BTRC: variants seen among roughly 807,000 people sequenced by gnomAD.
BTRC encodes the protein F-box/WD repeat-containing protein 1A.
A neutral mutation model predicts 85.5 loss-of-function variants in BTRC; 42 were observed. The observed-to-expected ratio is 0.49, with a 90% CI of 0.38 to 0.64. The LOEUF is 0.64. BTRC is among the 30% of genes least tolerant of loss of function. The pLI, the probability that BTRC is intolerant of heterozygous loss-of-function variation, is 0.00. For synonymous variants in BTRC, 255 were observed against 263.3 expected (o/e 0.97, Z 0.30); for missense variants, 594 against 743.5 (o/e 0.80, Z 2.34).
intron 2 of BTRC, among the ~76,000 whole-genome samples, chr10:101,449,626 A>G (rs544624915): frequency 1.3e-5 from 2 of 152,272 alleles, no homozygotes; most frequent in Admixed American, 6.5e-5. Flanking sequence ...AAAGATTCCT[A>G]TAGATTTAAA....
chr10:101,425,800 ACT>A (rs548742232), intron 1 of BTRC, among the ~76,000 whole-genome samples: 108 of 151,918 alleles, frequency 7.1e-4, no homozygotes, highest in African/African-American at 2.5e-3. Context: ...AGAGAGTGAG[ACT>A]CTGTCTCAAT....
At chr10:101,404,084 T>C (rs1365977359) in intron 1 of BTRC, among the ~76,000 whole-genome samples, 2 of 130,752 alleles carry the variant, frequency 1.5e-5, no homozygotes, top group Admixed American at 8.8e-5. Flanking sequence ...CAGGCTGGAG[T>C]GCAGTGGCGC....
At chr10:101,509,104 ATTCTAGCTCTT>A (rs1330593220) in intron 4 of BTRC, among the ~76,000 whole-genome samples, 1 of 151,846 alleles carries the variant, frequency 6.6e-6, no homozygotes, top group Non-Finnish European at 1.5e-5. Context: ...TTTCTTTTCC[ATTCTAGCTCTT>A]TAGAAATCTA....
chr10:101,532,108 T>TA (rs2062292506), intron 7 of BTRC, among the ~76,000 whole-genome samples, 187 bp from the exon 8 acceptor site: 1 of 152,206 alleles, frequency 6.6e-6, no homozygotes, highest in Non-Finnish European at 1.5e-5. Flanking sequence ...AACCTTTAAT[T>TA]ACCTTGCAAA....
chr10:101,470,892 T>G (rs1945507306), intron 3 of BTRC, among the ~76,000 whole-genome samples: 1 of 152,208 alleles, frequency 6.6e-6, no homozygotes, highest in Non-Finnish European at 1.5e-5. Context: ...TTGAATTACA[T>G]GAATTCATTT....
intron 2 of BTRC, among the ~76,000 whole-genome samples, chr10:101,443,332 G>A (rs1019446686): frequency 1.3e-5 from 2 of 152,180 alleles, no homozygotes; most frequent in African/African-American, 4.8e-5. Context: ...ACATGCAAAT[G>A]TAGTCCTGCG....
At chr10:101,371,174 T>TG (rs1381277849) in intron 1 of BTRC, among the ~76,000 whole-genome samples, 1 of 142,066 alleles carries the variant, frequency 7.0e-6, no homozygotes, top group African/African-American at 2.5e-5. Flanking sequence ...CTTTTTTTTT[T>TG]GTTTGTTTGG....
chr10:101,385,963 C>G (rs1943068384), intron 1 of BTRC, among the ~76,000 whole-genome samples: 1 of 151,862 alleles, frequency 6.6e-6, no homozygotes, highest in Non-Finnish European at 1.5e-5. Context: ...CATAAAGTGC[C>G]ATTTTGAGAA....
chr10:101,473,978 G>A (rs1354331262), intron 3 of BTRC, among the ~76,000 whole-genome samples: 1 of 152,046 alleles, frequency 6.6e-6, no homozygotes. Context: ...TTTTCTGGTA[G>A]AATTTTTCAT....
chr10:101,473,475 T>TTG (rs901170602), intron 3 of BTRC, among the ~76,000 whole-genome samples: 1 of 144,326 alleles, frequency 6.9e-6, no homozygotes, highest in African/African-American at 2.6e-5. Context: ...CTTTTTTTTT[T>TTG]TTTTTTTTTT....
At chr10:101,433,495 G>C (rs953047362) in intron 2 of BTRC, among the ~76,000 whole-genome samples, 1 of 152,126 alleles carries the variant, frequency 6.6e-6, no homozygotes, top group African/African-American at 2.4e-5. Flanking sequence ...AGGAGAAGGA[G>C]GACATTTCAG....
chr10:101,367,569 C>A (rs1031008758), intron 1 of BTRC, among the ~76,000 whole-genome samples: 1 of 152,138 alleles, frequency 6.6e-6, no homozygotes, highest in South Asian at 2.1e-4. Context: ...ACTTTGCCAG[C>A]ACTCCACAAG....
rs1174185524 is a variant in BTRC at position 101,366,898 on chromosome 10, TTA to T, written c.48+12678_48+12679del. The stretch of plus-strand genomic sequence containing the variant: ...TATATTTATATATATTTATATATAT[TTA>T]TATATATTAATATATATTTATATAT... On this transcript the variant is annotated intron_variant, in intron 1 of 14. Coordinates refer to ENST00000370187, the MANE Select transcript of BTRC (RefSeq NM_033637.4). Among the ~76,000 whole-genome samples the T allele has an allele frequency of 3.5e-3, 122 of 35,132 alleles. 10 individuals are homozygous for T. The highest frequency in any genetic ancestry group is 9.5e-3 in the African/African-American group (106 of 11,168). The allele number at this position is 35,132 out of a possible 152,430, so 23.0% of individuals were successfully genotyped here. A position where few individuals can be genotyped will look rare whatever the true frequency, so the allele number is the denominator to read the frequency against.
chr10:101,531,372 C>T (rs2062278769), intron 7 of BTRC, 39 bp downstream of exon 7: 2 of 1,406,106 alleles, frequency 1.4e-6, no homozygotes, highest in Non-Finnish European at 2.0e-6. Flanking sequence ...CCCAAGGGCA[C>T]AGAATTATCA....
At chr10:101,385,976 T>C (rs1943068920) in intron 1 of BTRC, among the ~76,000 whole-genome samples, 1 of 152,168 alleles carries the variant, frequency 6.6e-6, no homozygotes, top group African/African-American at 2.4e-5. Context: ...TTTGAGAAGC[T>C]AATGAAATGT....
At position 101,556,076 on chromosome 10, in the gene BTRC, T is replaced by G. The variant is rs1233478127; in HGVS notation, c.*2953T>G. On this transcript the variant is annotated 3_prime_UTR_variant, in exon 15 of 15. Transcript: ENST00000370187. ...AAATTCTTTCTGGTGTCTCCTAACT[T>G]CAGAGACAGGGACTCTTTTTGGATC... 6.6e-6 allele frequency: 1 copy of G among 152,242 alleles called. No individual in the cohort carries two copies. The highest frequency in any genetic ancestry group is 1.5e-5 in the Non-Finnish European group (1 of 68,048). 9.4% of individuals were successfully genotyped at this position (152,242 alleles called of 1,614,324 possible). A position where few individuals can be genotyped will look rare whatever the true frequency, so the allele number is the denominator to read the frequency against.
intron 1 of BTRC, among the ~76,000 whole-genome samples, chr10:101,361,067 A>G (rs1046880072): frequency 3.3e-5 from 5 of 151,990 alleles, no homozygotes; most frequent in Non-Finnish European, 5.9e-5. Context: ...CAGCCTTCCA[A>G]ATTGCTGGGA....
chr10:101,366,862 A>C (rs1590205699), intron 1 of BTRC, among the ~76,000 whole-genome samples: 1 of 28,746 alleles, frequency 3.5e-5, no homozygotes, highest in South Asian at 7.3e-4. Flanking sequence ...ATATATATTT[A>C]TATATTAATA....
At chr10:101,398,823 T>G (rs1194930974) in intron 1 of BTRC, among the ~76,000 whole-genome samples, 4 of 152,218 alleles carry the variant, frequency 2.6e-5, no homozygotes, top group African/African-American at 4.8e-5. Flanking sequence ...AATATTTTCA[T>G]GAAAATCCAG....
Sources: allele counts gnomAD v4.1 joint callset (sites outside exome capture counted in the v4.1 genomes callset), GRCh38; gene constraint gnomAD v4.1.1; transcripts MANE v1.5; gene names NCBI Gene and HGNC (gene_info 2026-07-23, HGNC 2026-07-21).